The following PCDH9 variants were observed in gnomAD, a reference collection of about 807,000 sequenced individuals.
The protein encoded by PCDH9 is protocadherin-9.
A neutral mutation model predicts 70.6 loss-of-function variants in PCDH9; 24 were observed. That is an observed-to-expected ratio of 0.34 (90% CI 0.25 to 0.48). The LOEUF is 0.48. PCDH9 is among the 20% of genes least tolerant of loss of function. The pLI, the probability that PCDH9 is intolerant of heterozygous loss-of-function variation, is 0.99. For synonymous variants in PCDH9, 562 were observed against 558.5 expected (o/e 1.01, Z -0.09); for missense variants, 1,281 against 1,503.6 (o/e 0.85, Z 2.45).
chr13:67,099,551 A>T (rs1461341070), intron 2 of PCDH9, among the ~76,000 whole-genome samples: 2 of 152,190 alleles, frequency 1.3e-5, no homozygotes, highest in Non-Finnish European at 2.9e-5. Flanking sequence ...CTTTTCCTAA[A>T]TATTCAGAAA....
chr13:67,133,857 G>T (rs2087167380), intron 2 of PCDH9, among the ~76,000 whole-genome samples: 1 of 152,062 alleles, frequency 6.6e-6, no homozygotes, highest in Non-Finnish European at 1.5e-5. Context: ...CACTAATTTA[G>T]ATTAGATTCA....
intron 2 of PCDH9, among the ~76,000 whole-genome samples, chr13:66,971,489 T>C (rs1176849383): frequency 6.6e-6 from 1 of 152,096 alleles, no homozygotes; most frequent in Non-Finnish European, 1.5e-5. Flanking sequence ...ATTTTCTCTT[T>C]TGCATTTTTG....
intron 4 of PCDH9, among the ~76,000 whole-genome samples, chr13:66,468,104 T>A (rs1958550273): frequency 6.6e-6 from 1 of 152,032 alleles, no homozygotes; most frequent in African/African-American, 2.4e-5. Flanking sequence ...TTCTTAAATT[T>A]AACATGCCCA....
chr13:66,894,765 A>T (rs2082149435), intron 3 of PCDH9, among the ~76,000 whole-genome samples: 1 of 152,136 alleles, frequency 6.6e-6, no homozygotes, highest in Non-Finnish European at 1.5e-5. Flanking sequence ...GATTTGTAAA[A>T]CCTCTAATAT....
chr13:66,871,180 T>C (rs1284366540), intron 3 of PCDH9, among the ~76,000 whole-genome samples: 3 of 150,720 alleles, frequency 2.0e-5, no homozygotes, highest in Admixed American at 6.6e-5. Context: ...TAGGTGGGAA[T>C]TGAACAATGA....
At chr13:66,652,843 A>T (rs1234898851) in intron 3 of PCDH9, among the ~76,000 whole-genome samples, 1 of 152,124 alleles carries the variant, frequency 6.6e-6, no homozygotes, top group Non-Finnish European at 1.5e-5. Flanking sequence ...AAATCCATAC[A>T]TCCACAGTGA....
At chr13:66,976,169 C>T (rs1323923) in intron 2 of PCDH9, among the ~76,000 whole-genome samples, 19,598 of 152,102 alleles carry the variant, frequency 0.13, 1,745 homozygotes, top group Non-Finnish European at 0.2. Flanking sequence ...ATCCATCTAA[C>T]TGATATTCTT....
At chr13:67,214,968 A>ATGTATATATATATATATATATG (rs2089566046) in intron 2 of PCDH9, 1 of 118,800 alleles carries the variant, frequency 8.4e-6, no homozygotes, top group African/African-American at 3.0e-5. Context: ...ATATATATAT[A>ATGTATATATATATATATATATG]TATATTCACT....
intron 4 of PCDH9, among the ~76,000 whole-genome samples, chr13:66,390,475 C>T (rs1312215360): frequency 6.6e-6 from 1 of 152,068 alleles, no homozygotes; most frequent in Non-Finnish European, 1.5e-5. Flanking sequence ...ATGGCTCATG[C>T]CTGTAATCTC....
chr13:66,331,552 A>G (rs267319), intron 4 of PCDH9, among the ~76,000 whole-genome samples: 151,284 of 152,310 alleles, frequency 0.99, 75,143 homozygotes, highest in Middle Eastern at 1. Flanking sequence ...TTTTTAAGTA[A>G]TATAAAATGG....
At position 66,707,380 on chromosome 13, in the gene PCDH9, T is replaced by C. The variant is rs1054217042; in HGVS notation, c.3139-75969A>G. Among the ~76,000 whole-genome samples, 11 of 152,266 alleles carry C rather than the reference T, an allele frequency of 7.2e-5. No individual in the cohort carries two copies. In the East Asian group the frequency reaches 2.1e-3, roughly 29 times the overall value. ...ACTTAGAAAAAAAGCAAGTGACAAATACAAAAAGGCAGCACATATTGCCAG... is the reference window on the plus strand; with the variant it reads ...ACTTAGAAAAAAAGCAAGTGACAAACACAAAAAGGCAGCACATATTGCCAG... On this transcript the variant is annotated intron_variant, in intron 3 of 4. Transcript: ENST00000377865.
rs575804889 is a variant in PCDH9, at chr13:66,536,758, G to A, written c.3340+94452C>T. On this transcript the variant is annotated intron_variant, in intron 4 of 4. Coordinates refer to ENST00000377865, the MANE Select transcript of PCDH9 (RefSeq NM_203487.3). Reference sequence around the variant, plus strand: ...AGTACTGATTTCAAGTTATGAAACCGTGCTTTTCTATCATCACAGAATAGG... The same window carrying A: ...AGTACTGATTTCAAGTTATGAAACCATGCTTTTCTATCATCACAGAATAGG... Among the ~76,000 whole-genome samples the A allele has an allele frequency of 1.1e-4, 17 of 152,122 alleles. 1 individual carries two copies. The East Asian group carries it at 2.1e-3, about 19-fold the overall frequency.
intron 4 of PCDH9, among the ~76,000 whole-genome samples, chr13:66,488,764 A>T (rs535646504): frequency 5.0e-4 from 76 of 152,312 alleles, no homozygotes; most frequent in African/African-American, 1.8e-3. Context: ...CTATGTGAGA[A>T]GGATCAATTA....
intron 4 of PCDH9, among the ~76,000 whole-genome samples, chr13:66,557,953 G>C (rs955611781): frequency 2.0e-5 from 3 of 152,152 alleles, no homozygotes; most frequent in Admixed American, 6.5e-5. Flanking sequence ...GGAGTTTGGA[G>C]ACCAGTGTGG....
At chr13:66,920,180 T>G (rs923306764) in intron 2 of PCDH9, among the ~76,000 whole-genome samples, 1 of 151,198 alleles carries the variant, frequency 6.6e-6, no homozygotes, top group Non-Finnish European at 1.5e-5. Context: ...TTTTAAGACA[T>G]GTACTTTTAA....
At chr13:66,822,674 C>A (rs923333978) in intron 3 of PCDH9, among the ~76,000 whole-genome samples, 1 of 151,650 alleles carries the variant, frequency 6.6e-6, no homozygotes, top group Non-Finnish European at 1.5e-5. Flanking sequence ...TACAAGCATG[C>A]GCCACTACGC....
intron 4 of PCDH9, among the ~76,000 whole-genome samples, chr13:66,544,057 G>A (rs186861133): frequency 1.4e-3 from 216 of 152,224 alleles, no homozygotes; most frequent in Admixed American, 0.012. Flanking sequence ...AATTAGAAAT[G>A]TACCATCATT....
intron 2 of PCDH9, among the ~76,000 whole-genome samples, chr13:67,200,467 C>A (rs149574330): frequency 6.6e-6 from 1 of 151,910 alleles, no homozygotes; most frequent in East Asian, 1.9e-4. Context: ...ATTTTCTTAG[C>A]AAAATAAGTG....
intron 3 of PCDH9, among the ~76,000 whole-genome samples, chr13:66,804,774 A>G (rs542759075): frequency 3.9e-5 from 6 of 152,182 alleles, no homozygotes; most frequent in African/African-American, 1.4e-4. Flanking sequence ...AAGAGTAAGA[A>G]GAGCAATTTC....
Sources: gnomAD v4.1 joint callset for allele counts (sites outside exome capture counted in the v4.1 genomes callset) on GRCh38, gnomAD v4.1.1 for gene constraint, MANE v1.5 for transcripts, NCBI Gene and HGNC (gene_info 2026-07-23, HGNC 2026-07-21) for gene names.